The following RNLS variants were observed in gnomAD, a reference collection of about 807,000 sequenced individuals.
RNLS encodes renalase, FAD dependent amine oxidase, also known as renalase.
Under a neutral mutation model 39.8 loss-of-function variants are expected in RNLS, and 39 were observed. That is an observed-to-expected ratio of 0.98 (90% CI 0.76 to 1.28). The LOEUF is 1.28. RNLS is among the 50% of genes most tolerant of loss of function. RNLS has a pLI of 0.00. For synonymous variants in RNLS, 147 were observed against 150.7 expected (o/e 0.98, Z 0.18); for missense variants, 410 against 413.3 (o/e 0.99, Z 0.07).
At chr10:88,329,921 C>T (rs906957504) in intron 5 of RNLS, among the ~76,000 whole-genome samples, 3 of 151,612 alleles carry the variant, frequency 2.0e-5, no homozygotes, top group African/African-American at 7.3e-5. Context: ...ACTCTTATTT[C>T]TTCCAACATA....
the RNLS span, among the ~76,000 whole-genome samples, chr10:88,211,708 G>T: frequency 2.0e-5 from 3 of 152,202 alleles, no homozygotes; most frequent in Non-Finnish European, 2.9e-5. Flanking sequence ...AGCTGAGAAG[G>T]TGGGGAGTAG....
the RNLS span, among the ~76,000 whole-genome samples, chr10:88,247,004 A>G: frequency 6.6e-6 from 1 of 152,182 alleles, no homozygotes; most frequent in Admixed American, 6.5e-5. Flanking sequence ...TGTCACTTGT[A>G]TTGTTTTGTT....
intron 4 of RNLS, among the ~76,000 whole-genome samples, chr10:88,504,463 A>G (rs1361411780): frequency 6.6e-6 from 1 of 152,168 alleles, no homozygotes; most frequent in African/African-American, 2.4e-5. Context: ...AAATAAGCAC[A>G]GGAAAATAAA....
chr10:88,269,825 GCA>G (rs958217299), downstream of RNLS, among the ~76,000 whole-genome samples: 6 of 152,116 alleles, frequency 3.9e-5, no homozygotes, highest in Non-Finnish European at 5.9e-5. Flanking sequence ...TATGACTATA[GCA>G]CAGTTTGTTA....
At chr10:88,368,129 G>A (rs1850267854) in intron 4 of RNLS, among the ~76,000 whole-genome samples, 2 of 151,084 alleles carry the variant, frequency 1.3e-5, no homozygotes, top group African/African-American at 4.9e-5. Context: ...AACTTTATTA[G>A]TTTACATTTC....
intron 5 of RNLS, among the ~76,000 whole-genome samples, chr10:88,352,748 C>T (rs11524810): frequency 8.0e-4 from 121 of 152,176 alleles, no homozygotes; most frequent in Non-Finnish European, 1.4e-3. Flanking sequence ...TCTTTTTCTA[C>T]CGATTGGAAT....
At chr10:88,297,107 G>A (rs1381267086) in intron 6 of RNLS, among the ~76,000 whole-genome samples, 1 of 152,076 alleles carries the variant, frequency 6.6e-6, no homozygotes, top group East Asian at 1.9e-4. Context: ...ATATTATTTG[G>A]TTATAGGTTT....
chr10:88,440,040 T>G (rs958566921), intron 4 of RNLS, among the ~76,000 whole-genome samples: 9 of 152,230 alleles, frequency 5.9e-5, no homozygotes, highest in African/African-American at 2.2e-4. Context: ...AGATTATAAA[T>G]TTTTTGAGGG....
intron 4 of RNLS, among the ~76,000 whole-genome samples, chr10:88,465,766 G>T (rs1489694864): frequency 1.3e-5 from 2 of 152,012 alleles, no homozygotes; most frequent in Admixed American, 6.6e-5. Context: ...ATTAGTAGTT[G>T]CTTACACAAT....
At chr10:88,193,136 C>G in the RNLS span, among the ~76,000 whole-genome samples, 1 of 152,132 alleles carries the variant, frequency 6.6e-6, no homozygotes, top group Non-Finnish European at 1.5e-5. Flanking sequence ...AATCACATCT[C>G]TTACCTGTCA....
At chr10:88,271,892 C>G (rs1319299451), downstream of RNLS, among the ~76,000 whole-genome samples, 1 of 152,220 alleles carries the variant, frequency 6.6e-6, no homozygotes, top group Non-Finnish European at 1.5e-5. Flanking sequence ...GGCTCTAACT[C>G]TGCCACGAAG....
intron 6 of RNLS, among the ~76,000 whole-genome samples, chr10:88,308,592 C>T (rs1378826645): frequency 2.6e-5 from 4 of 152,050 alleles, no homozygotes; most frequent in Non-Finnish European, 5.9e-5. Context: ...AATCTCACAC[C>T]AGTCAGAATG....
At chr10:88,389,964 G>A (rs1852097244) in intron 4 of RNLS, among the ~76,000 whole-genome samples, 2 of 152,318 alleles carry the variant, frequency 1.3e-5, no homozygotes, top group Middle Eastern at 3.4e-3. Context: ...TATTGAGAAA[G>A]TCAGAAGAAG....
At chr10:88,211,736 C>T in the RNLS span, among the ~76,000 whole-genome samples, 1 of 152,170 alleles carries the variant, frequency 6.6e-6, no homozygotes, top group African/African-American at 2.4e-5. Flanking sequence ...AAACAGGGGC[C>T]AGATCCTACT....
At chr10:88,207,570 T>C in the RNLS span, among the ~76,000 whole-genome samples, 3 of 152,162 alleles carry the variant, frequency 2.0e-5, no homozygotes, top group African/African-American at 7.2e-5. Context: ...CTCTCACACA[T>C]TGCTTTAAAA....
At chr10:88,535,731 A>G (rs1184260819) in intron 4 of RNLS, among the ~76,000 whole-genome samples, 1 of 152,138 alleles carries the variant, frequency 6.6e-6, no homozygotes, top group African/African-American at 2.4e-5. Context: ...CAAATGATAG[A>G]AATAATAAAC....
At chr10:88,409,567 C>T (rs539239907) in intron 4 of RNLS, among the ~76,000 whole-genome samples, 2 of 152,140 alleles carry the variant, frequency 1.3e-5, no homozygotes, top group African/African-American at 4.8e-5. Flanking sequence ...TCCATATCCC[C>T]CATATTTGAA....
At chr10:88,576,142 A>G (rs1326293662) in intron 3 of RNLS, among the ~76,000 whole-genome samples, 3 of 152,146 alleles carry the variant, frequency 2.0e-5, no homozygotes, top group African/African-American at 7.2e-5. Flanking sequence ...CTTTTATTGT[A>G]AGTTCTCTCA....
Position 88,554,926 on chromosome 10 carries a change from C to T in RNLS, c.526+17977G>A, listed in dbSNP as rs945502278. Among the ~76,000 whole-genome samples the T allele has an allele frequency of 3.9e-5, 6 of 152,238 alleles. No homozygotes were observed. In the South Asian group the frequency reaches 8.3e-4, roughly 21 times the overall value. On this transcript the variant is annotated intron_variant, in intron 4 of 6. Coordinates refer to ENST00000331772, the MANE Select transcript of RNLS (RefSeq NM_001031709.3). ...CATCTTCTAACAGCCTAATTATTTG[C>T]CCTGCTTCACAGAAAAGCTCATCTA... is the stretch of plus-strand genomic sequence containing the variant.
Sources: gnomAD v4.1 joint callset for allele counts (sites outside exome capture counted in the v4.1 genomes callset) on GRCh38, gnomAD v4.1.1 for gene constraint, MANE v1.5 for transcripts, NCBI Gene and HGNC (gene_info 2026-07-23, HGNC 2026-07-21) for gene names.